Variants in CDH23 observed in about 807,000 individuals in gnomAD.
CDH23 encodes the protein cadherin related 23.
In CDH23, 189 loss-of-function variants were observed where a neutral mutation model predicts 317.1. The ratio of observed to expected loss-of-function variants is 0.60; its 90% CI spans 0.53 to 0.67. The LOEUF (loss-of-function observed/expected upper bound fraction) is 0.67, where lower values mean the gene tolerates loss of function less well. CDH23 is among the 30% of genes least tolerant of loss of function. The pLI is 0.00. For synonymous variants in CDH23, 1,839 were observed against 1,876.8 expected (o/e 0.98, Z 0.52); for missense variants, 4,401 against 4,592.4 (o/e 0.96, Z 1.20).
chr10:71,556,628 G>T (rs1564651121), intron 6 of CDH23, among the ~76,000 whole-genome samples: 1 of 151,716 alleles, frequency 6.6e-6, no homozygotes, highest in African/African-American at 2.4e-5. Flanking sequence ...AGGCCACTCA[G>T]TGGTGCAGCC....
intron 38 of CDH23, among the ~76,000 whole-genome samples, chr10:71,768,979 G>T (rs1840624593): frequency 6.6e-6 from 1 of 152,176 alleles, no homozygotes; most frequent in Non-Finnish European, 1.5e-5. Flanking sequence ...GGTGCCATCT[G>T]ACTACTCTCT....
rs371932117 is a variant in CDH23 at position 71,725,559 on chromosome 10, G to A, written c.3579+39G>A. On this transcript the variant is annotated intron_variant, in intron 30 of 69. Coordinates refer to ENST00000224721, the MANE Select transcript of CDH23 (RefSeq NM_022124.6). ...CGGGCTGGGGTGCTGACCTCAGGAC[G>A]GGGCCAAGCCCACAGCTAGAACAGA... 4.3e-5 allele frequency: 69 copies of A among 1,595,996 alleles called. No individual in the cohort carries two copies. In the East Asian group the frequency reaches 6.8e-4, roughly 16 times the overall value.
intron 46 of CDH23, chr10:71,790,743 C>T (rs577831617): frequency 3.7e-5 from 17 of 457,702 alleles, no homozygotes; most frequent in African/African-American, 1.2e-4. Context: ...GTAGCCAGAG[C>T]GACTTTCCTG....
At chr10:71,635,423 T>G (rs1281354713) in intron 11 of CDH23, 3 of 152,500 alleles carry the variant, frequency 2.0e-5, no homozygotes, top group Non-Finnish European at 4.4e-5. Context: ...TTGAATTAGA[T>G]TTCACAAGGG....
At chr10:71,584,052 C>CG (rs1217901774) in intron 9 of CDH23, among the ~76,000 whole-genome samples, 1 of 152,092 alleles carries the variant, frequency 6.6e-6, no homozygotes, top group Non-Finnish European at 1.5e-5. Context: ...TGGGTGCGCC[C>CG]GGGCAACACT....
intron 28 of CDH23, chr10:71,717,160 T>C (rs1315915464): frequency 6.6e-6 from 1 of 152,152 alleles, no homozygotes; most frequent in Non-Finnish European, 1.5e-5. Flanking sequence ...AGGGAGCCAG[T>C]GAAGGTTTTA....
At chr10:71,403,326 C>CCTTCCTTCCTTCCTTCCTTT (rs1315167195) in intron 1 of CDH23, among the ~76,000 whole-genome samples, 1 of 60,746 alleles carries the variant, frequency 1.6e-5, no homozygotes, top group African/African-American at 9.1e-5. Context: ...TTCCTTCCTT[C>CCTTCCTTCCTTCCTTCCTTT]CTTTCTTTCT....
chr10:71,450,262 C>CTTT (rs71018209), intron 3 of CDH23, among the ~76,000 whole-genome samples: 19 of 102,388 alleles, frequency 1.9e-4, no homozygotes, highest in Admixed American at 5.1e-4. Context: ...CCTGAATCTA[C>CTTT]TTTTTTTTTT....
intron 41 of CDH23, among the ~76,000 whole-genome samples, chr10:71,780,603 G>A (rs1840926562): frequency 1.3e-5 from 2 of 152,302 alleles, no homozygotes; most frequent in South Asian, 4.1e-4. Context: ...AGACCAGAGA[G>A]GTAATGGGGC....
intron 24 of CDH23, 111 bp downstream of exon 24, chr10:71,702,805 C>A: frequency 8.0e-7 from 1 of 1,252,262 alleles, no homozygotes. Flanking sequence ...GGAGCTGGGT[C>A]TTGAAGGACA....
chr10:71,751,362 G>A lies in CDH23; in HGVS notation c.4845+9441G>A, dbSNP rs547863753. 98 of 1,458,234 alleles carry A rather than the reference G, an allele frequency of 6.7e-5. No individual in the cohort carries two copies. The East Asian group carries it at 1.7e-3, about 25-fold the overall frequency. The allele number at this position is 1,458,234 out of a possible 1,614,324, so 90.3% of individuals were successfully genotyped here. A position where few individuals can be genotyped will look rare whatever the true frequency, so the allele number is the denominator to read the frequency against. ...ACCCTCAACCCCACCCCGTGAGGCC[G>A]TGGAACTCTTCAGGGAGGTGAATGG... On this transcript the variant is annotated intron_variant, in intron 38 of 69. Coordinates refer to ENST00000224721, the MANE Select transcript of CDH23 (RefSeq NM_022124.6). The surrounding 1 kb of genome is among the most constrained non-coding windows in gnomAD (Gnocchi z 4.9).
chr10:71,455,576 A>C (rs1850655273), intron 3 of CDH23, among the ~76,000 whole-genome samples: 2 of 152,340 alleles, frequency 1.3e-5, no homozygotes, highest in Admixed American at 1.3e-4. Context: ...GCATGCGAAC[A>C]GAAGAGACAA....
intron 14 of CDH23, among the ~76,000 whole-genome samples, chr10:71,660,605 C>G (rs967449633): frequency 1.3e-5 from 2 of 152,186 alleles, no homozygotes; most frequent in Non-Finnish European, 2.9e-5. Flanking sequence ...TCTCACTTCA[C>G]TGGTCAAAAT....
rs112574903 is a variant in CDH23, at chr10:71,751,894, G to T, written c.4845+9973G>T. 6 of 1,537,472 alleles carry T rather than the reference G, an allele frequency of 3.9e-6. No homozygotes were observed. Among genetic ancestry groups the T allele is most frequent in the African/African-American group, 2.8e-5 (2 of 72,684 alleles). ...AGAACCAGAATGGAAGGTCATCTGT[G>T]CTGTCCGGAGCGTGAACTCTGCCCT... On this transcript the variant is annotated intron_variant, in intron 38 of 69. Coordinates refer to ENST00000224721, the MANE Select transcript of CDH23 (RefSeq NM_022124.6). The surrounding 1 kb of genome is among the most constrained non-coding windows in gnomAD (Gnocchi z 4.9).
At position 71,577,926 on chromosome 10, in the gene CDH23, C is replaced by T. The variant is rs779764465; in HGVS notation, c.766C>T (p.Arg256Cys). The T allele has an allele frequency of 8.8e-6, 14 of 1,599,616 alleles. No homozygotes were observed. The highest frequency in any genetic ancestry group is 4.5e-5 in the East Asian group (2 of 44,290). The change falls in exon 9 of 70, where the codon CGC (arginine) becomes TGC (cysteine). Residue 256 changes from arginine (R) to cysteine (C), a missense_variant. Arg to Cys is a radical substitution (Grantham distance 180). Coordinates refer to ENST00000224721, the MANE Select transcript of CDH23 (RefSeq NM_022124.6). ...YEHSPPGTTV[R>C]IITAIDQDKG... ...CTCTTCTGCCCAGGGCACGACGGTG[C>T]GCATCATCACCGCCATAGACCAGGA...
chr10:71,712,456 A>G (rs939095975), intron 27 of CDH23: 1 of 575,332 alleles, frequency 1.7e-6, no homozygotes, highest in Non-Finnish European at 3.1e-6. Flanking sequence ...AATGGGTTAG[A>G]AGAATGGCTG....
At chr10:71,407,532 C>G (rs1347383799) in intron 1 of CDH23, among the ~76,000 whole-genome samples, 1 of 152,198 alleles carries the variant, frequency 6.6e-6, no homozygotes, top group African/African-American at 2.4e-5. Context: ...GCCTGGACCC[C>G]AGCCCTTCCC....
intron 38 of CDH23, among the ~76,000 whole-genome samples, chr10:71,746,125 T>A (rs778548573): frequency 2.0e-5 from 3 of 152,240 alleles, no homozygotes; most frequent in Non-Finnish European, 4.4e-5. Flanking sequence ...GCCTACGGTC[T>A]GGCAGGGGAA....
intron 6 of CDH23, among the ~76,000 whole-genome samples, chr10:71,519,273 A>C (rs1004370779): frequency 6.6e-6 from 1 of 152,258 alleles, no homozygotes; most frequent in South Asian, 2.1e-4. Flanking sequence ...AAATGGAAGG[A>C]GATGATAGCT....
Sources: gnomAD v4.1 joint callset for allele counts (sites outside exome capture counted in the v4.1 genomes callset) on GRCh38, gnomAD v4.1.1 for gene constraint, Gnocchi (gnomAD v3.1) non-coding constraint, MANE v1.5 for transcripts, NCBI Gene and HGNC (gene_info 2026-07-23, HGNC 2026-07-21) for gene names.